SKIL: variants seen among roughly 807,000 people sequenced by gnomAD.
SKIL encodes the protein ski-like protein.
A neutral mutation model predicts 69.6 loss-of-function variants in SKIL; 20 were observed. That is an observed-to-expected ratio of 0.29 (90% CI 0.20 to 0.42). SKIL has a LOEUF of 0.42. Among genes scored for constraint, SKIL ranks in the 10% least tolerant of loss-of-function variants. The probability of loss-of-function intolerance (pLI) is 1.00; values close to 1 mark genes in which losing one functional copy is unlikely to be tolerated. For missense variants in SKIL, 745 were observed against 783.1 expected (o/e 0.95, Z 0.58); for synonymous variants, 310 against 279.9 (o/e 1.11, Z -1.08).
intron 4 of SKIL, among the ~76,000 whole-genome samples, chr3:170,388,286 T>C (rs966430186): frequency 6.6e-6 from 1 of 152,212 alleles, no homozygotes; most frequent in Non-Finnish European, 1.5e-5. Context: ...TTCATGTTTT[T>C]CTTGGACATT....
intron 2 of SKIL, among the ~76,000 whole-genome samples, chr3:170,372,632 G>GT (rs1423348950): frequency 1.3e-5 from 2 of 152,090 alleles, no homozygotes; most frequent in African/African-American, 4.8e-5. Context: ...GTTTCTTTTG[G>GT]TAAGAGTTGT....
intron 2 of SKIL, among the ~76,000 whole-genome samples, chr3:170,377,324 G>C (rs563750032): frequency 2.0e-5 from 3 of 148,376 alleles, no homozygotes; most frequent in Non-Finnish European, 1.5e-5. Flanking sequence ...TGCAACCTCT[G>C]TTCCCCTGTT....
intron 4 of SKIL, among the ~76,000 whole-genome samples, chr3:170,386,210 A>C (rs1475213469): frequency 6.9e-6 from 1 of 145,304 alleles, no homozygotes; most frequent in African/African-American, 2.6e-5. Flanking sequence ...GGCTCACTGC[A>C]ATCTCCGCCT....
intron 1 of SKIL, among the ~76,000 whole-genome samples, chr3:170,358,861 A>G (rs528760336): frequency 6.6e-6 from 1 of 152,202 alleles, no homozygotes; most frequent in African/African-American, 2.4e-5. Flanking sequence ...TTTGGCTTCC[A>G]TTAAGTAAAA....
chr3:170,371,472 A>T (rs1202321145), intron 2 of SKIL, among the ~76,000 whole-genome samples: 1 of 152,182 alleles, frequency 6.6e-6, no homozygotes, highest in Non-Finnish European at 1.5e-5. Context: ...GTGCTACTGC[A>T]CTCCAGCCTG....
chr3:170,381,234 T>C lies in SKIL; in HGVS notation c.1099-10T>C. ...TTCAATAAATGTTTCCCTTCCATGT[T>C]TTTCTGCAGACAGATGCACCATCAG... On this transcript the variant is annotated splice_polypyrimidine_tract_variant and intron_variant, in intron 2 of 6. Transcript: ENST00000259119. 3.4e-6 allele frequency: 5 copies of C among 1,469,210 alleles called. No homozygotes were observed. Among genetic ancestry groups the C allele is most frequent in the Non-Finnish European group, 4.8e-6 (5 of 1,048,226 alleles). 91.0% of individuals were successfully genotyped at this position (1,469,210 alleles called of 1,614,324 possible). A position where few individuals can be genotyped will look rare whatever the true frequency, so the allele number is the denominator to read the frequency against.
rs1738105486 is a variant in SKIL at position 170,394,691 on chromosome 3, G to A, written c.*2274G>A. On this transcript the variant is annotated 3_prime_UTR_variant, in exon 7 of 7. Coordinates refer to ENST00000259119, the MANE Select transcript of SKIL (RefSeq NM_005414.5). ...AAAACTTGCCACATGACATTGTATC[G>A]TCTTCATTTTCCAGAAGATGCGTTG... 6.6e-6 allele frequency: 1 copy of A among 151,970 alleles called. No homozygotes were observed. Among genetic ancestry groups the A allele is most frequent in the South Asian group, 2.1e-4 (1 of 4,816 alleles). 9.4% of individuals were successfully genotyped at this position (151,970 alleles called of 1,614,324 possible). A position where few individuals can be genotyped will look rare whatever the true frequency, so the allele number is the denominator to read the frequency against.
chr3:170,376,816 T>C (rs1737056851), intron 2 of SKIL, among the ~76,000 whole-genome samples: 1 of 152,168 alleles, frequency 6.6e-6, no homozygotes, highest in Non-Finnish European at 1.5e-5. Flanking sequence ...GCTGAAGCAG[T>C]CTGCCCACTT....
intron 2 of SKIL, among the ~76,000 whole-genome samples, chr3:170,368,092 GA>G (rs1322852489): frequency 6.6e-6 from 1 of 152,116 alleles, no homozygotes; most frequent in Non-Finnish European, 1.5e-5. Flanking sequence ...TTGAGATAAG[GA>G]ACAGTAGAAT....
At chr3:170,361,484 A>AT (rs1736230602) in intron 2 of SKIL, 55 bp downstream of exon 2, 1 of 1,349,108 alleles carries the variant, frequency 7.4e-7, no homozygotes, top group African/African-American at 1.5e-5. Context: ...TGAAATGAAA[A>AT]TTCTATGTTT....
rs866494838 is a variant in SKIL at position 170,381,186 on chromosome 3, A to G, written c.1099-58A>G. On this transcript the variant is annotated intron_variant, in intron 2 of 6. Coordinates refer to ENST00000259119, the MANE Select transcript of SKIL (RefSeq NM_005414.5). ...CAGTGGCCCAGTCAGGTTGACACAT[A>G]AAATTAACCTTCACAGTTTTACTTC... 9.8e-5 allele frequency: 94 copies of G among 956,084 alleles called. 1 individual carries two copies. Among genetic ancestry groups the G allele is most frequent in the Middle Eastern group, 4.2e-4 (2 of 4,748 alleles). The allele number at this position is 956,084 out of a possible 1,614,324, so 59.2% of individuals were successfully genotyped here. A position where few individuals can be genotyped will look rare whatever the true frequency, so the allele number is the denominator to read the frequency against.
rs1560225523 is a variant in SKIL at position 170,394,818 on chromosome 3, C to T, written c.*2401C>T. ...AACTTTAAACTGCAACACATAGCTT[C>T]AAAACAATATAGAGATTTTGTAATA... On this transcript the variant is annotated 3_prime_UTR_variant, in exon 7 of 7. Transcript: ENST00000259119. 1 of 152,106 alleles carries T rather than the reference C, an allele frequency of 6.6e-6. No homozygotes were observed. 9.4% of individuals were successfully genotyped at this position (152,106 alleles called of 1,614,324 possible).
At chr3:170,377,324 G>T (rs563750032) in intron 2 of SKIL, among the ~76,000 whole-genome samples, 4 of 148,322 alleles carry the variant, frequency 2.7e-5, no homozygotes, top group African/African-American at 9.9e-5. Flanking sequence ...TGCAACCTCT[G>T]TTCCCCTGTT....
At chr3:170,372,334 T>TGA (rs756777386) in intron 2 of SKIL, among the ~76,000 whole-genome samples, 5 of 152,222 alleles carry the variant, frequency 3.3e-5, no homozygotes, top group Non-Finnish European at 5.9e-5. Context: ...ATTGGCTTTG[T>TGA]GAGGTAGGTG....
At chr3:170,363,540 C>T (rs565888786) in intron 2 of SKIL, among the ~76,000 whole-genome samples, 5 of 151,936 alleles carry the variant, frequency 3.3e-5, no homozygotes, top group Admixed American at 6.6e-5. Flanking sequence ...GGCTAGAGCT[C>T]AGTGGCGCGA....
At chr3:170,386,794 T>A (rs2108221349) in intron 4 of SKIL, among the ~76,000 whole-genome samples, 1 of 152,138 alleles carries the variant, frequency 6.6e-6, no homozygotes, top group African/African-American at 2.4e-5. Context: ...TAAAACTCAG[T>A]TTTCTTCAGA....
At chr3:170,366,979 A>T (rs559073630) in intron 2 of SKIL, among the ~76,000 whole-genome samples, 1 of 152,370 alleles carries the variant, frequency 6.6e-6, no homozygotes, top group East Asian at 1.9e-4. Context: ...TTACGTTTGT[A>T]TGAAAAAAAG....
In SKIL at chr3:170,370,404, A is replaced by G. The variant is rs1023227933; in HGVS notation, c.1098+8975A>G. Among the ~76,000 whole-genome samples the G allele has an allele frequency of 3.5e-5, 5 of 141,552 alleles. No individual in the cohort carries two copies. The Admixed American group carries it at 3.7e-4, about 10-fold the overall frequency. 92.9% of individuals were successfully genotyped at this position (141,552 alleles called of 152,430 possible). ...AAATATGTAATATTTCTATATATAC[A>G]TATATATGTATATATACAGAGAGAG... is the stretch of plus-strand genomic sequence containing the variant. On this transcript the variant is annotated intron_variant, in intron 2 of 6. Transcript: ENST00000259119.
At chr3:170,383,824 A>C (rs1056880215) in intron 3 of SKIL, among the ~76,000 whole-genome samples, 3 of 152,126 alleles carry the variant, frequency 2.0e-5, no homozygotes, top group African/African-American at 7.2e-5. Context: ...CACCAAAGCA[A>C]AGATTCCCTG....
Sources: gnomAD v4.1 joint callset for allele counts (sites outside exome capture counted in the v4.1 genomes callset) on GRCh38, gnomAD v4.1.1 for gene constraint, MANE v1.5 for transcripts, NCBI Gene and HGNC (gene_info 2026-07-23, HGNC 2026-07-21) for gene names.